NEURL1B: variants seen among roughly 807,000 people sequenced by gnomAD.
The protein encoded by NEURL1B is neuralized E3 ubiquitin protein ligase 1B.
A neutral mutation model predicts 37.4 loss-of-function variants in NEURL1B; 13 were observed. The observed-to-expected ratio is 0.35, with a 90% confidence interval of 0.23 to 0.55. The LOEUF (loss-of-function observed/expected upper bound fraction) is 0.55. NEURL1B is among the 20% of genes least tolerant of loss of function. The pLI is 0.89. For missense variants in NEURL1B, 790 were observed against 879.2 expected, an observed-to-expected ratio of 0.90 and a Z score of 1.28; for synonymous variants, 432 against 426.6, an observed-to-expected ratio of 1.01 and a Z score of -0.16.
rs946960403 is a variant in NEURL1B at position 172,663,691 on chromosome 5, G to A, written c.32-6094G>A. Among the ~76,000 whole-genome samples the A allele has an allele frequency of 2.6e-5, 4 of 151,890 alleles. No homozygotes were observed. The East Asian group carries it at 7.8e-4, about 30-fold the overall frequency. ...CTGGCCTCAATTCTTGGTCAGAAGT[G>A]GGGGGCACGGCTCACTGGCTGGGGC... On this transcript the variant is annotated intron_variant, in intron 1 of 4. Coordinates refer to ENST00000369800, the MANE Select transcript of NEURL1B (RefSeq NM_001142651.3).
At chr5:172,671,129 A>G (rs1036384418) in intron 2 of NEURL1B, among the ~76,000 whole-genome samples, 5 of 152,158 alleles carry the variant, frequency 3.3e-5, no homozygotes, top group Admixed American at 3.3e-4. Flanking sequence ...CATCACCTCT[A>G]TCCAGTTCTA....
intron 1 of NEURL1B, among the ~76,000 whole-genome samples, chr5:172,667,752 C>T (rs1464980080): frequency 1.3e-5 from 2 of 152,186 alleles, no homozygotes; most frequent in East Asian, 1.9e-4. Flanking sequence ...GTGGCCTGAG[C>T]ACTCCTACCA....
At chr5:172,650,865 A>G (rs1757650397) in intron 1 of NEURL1B, among the ~76,000 whole-genome samples, 1 of 152,184 alleles carries the variant, frequency 6.6e-6, no homozygotes, top group Non-Finnish European at 1.5e-5. Context: ...TTTAAAGAGA[A>G]TGATGGGGTG....
rs867752256 is a variant in NEURL1B at position 172,657,055 on chromosome 5, G to A, written c.32-12730G>A. Among the ~76,000 whole-genome samples, 16 of 152,296 alleles carry A rather than the reference G, an allele frequency of 1.1e-4. No homozygotes were observed. Among genetic ancestry groups the A allele is most frequent in the Middle Eastern group, 3.4e-3 (1 of 294 alleles). On this transcript the variant is annotated intron_variant, in intron 1 of 4. Coordinates refer to ENST00000369800, the MANE Select transcript of NEURL1B (RefSeq NM_001142651.3). This position sits in a 1 kb window ranked among gnomAD's most constrained non-coding sequence, Gnocchi z 4.0. ...TAGACTATTTGAGTCAGTCCCTCAC[G>A]TCCCCATGATGGATGACTGGTTGGC... is the stretch of plus-strand genomic sequence containing the variant.
chr5:172,659,398 A>G (rs537549529), intron 1 of NEURL1B, among the ~76,000 whole-genome samples: 9 of 152,106 alleles, frequency 5.9e-5, no homozygotes, highest in African/African-American at 1.9e-4. Context: ...AGAGAAGGAG[A>G]AACGGTAGGC....
At position 172,684,090 on chromosome 5, in the gene NEURL1B, G is replaced by A; in HGVS notation, c.1249G>A (p.Ala417Thr). ...CGTCGACACCACGCAGGCGCTCTGG[G>A]CCTTCTTCGCCGTGCGCGGCGGCGT... ...LCVDTTQALW[A>T]FFAVRGGVAG... Residue 417 changes from alanine to threonine, a missense_variant, in exon 3 of 5, where the codon GCC becomes ACC. This residue lies in a region of NEURL1B where 460 missense variants were observed against 407.4 expected (regional missense o/e 1.13). Transcript: ENST00000369800. The A allele has an allele frequency of 1.6e-6, 2 of 1,286,444 alleles. No homozygotes were observed. Among genetic ancestry groups the A allele is most frequent in the Non-Finnish European group, 2.0e-6 (2 of 1,016,840 alleles). 79.7% of individuals were successfully genotyped at this position (1,286,444 alleles called of 1,614,324 possible).
At position 172,641,494 on chromosome 5, in the gene NEURL1B, C is replaced by G; in HGVS notation, c.31+57C>G. ...CGCCGGGCTTCTCTCCTCCGGGGGA[C>G]CCGCTGGGTGACTCTGGAGAGCTAC... On this transcript the variant is annotated intron_variant, in intron 1 of 4. Transcript: ENST00000369800. This position sits in a 1 kb window ranked among gnomAD's most constrained non-coding sequence, Gnocchi z 6.4. The G allele has an allele frequency of 8.1e-7, 1 of 1,242,232 alleles. No individual in the cohort carries two copies. Among genetic ancestry groups the G allele is most frequent in the Non-Finnish European group, 1.0e-6 (1 of 989,434 alleles). 77.0% of individuals were successfully genotyped at this position (1,242,232 alleles called of 1,614,324 possible). A position where few individuals can be genotyped will look rare whatever the true frequency, so the allele number is the denominator to read the frequency against.
intron 1 of NEURL1B, chr5:172,656,491 C>A: frequency 6.3e-7 from 1 of 1,592,468 alleles, no homozygotes; most frequent in Non-Finnish European, 8.6e-7. Flanking sequence ...AATAAAGGGT[C>A]ACCATCTCCT....
chr5:172,676,705 T>G lies in NEURL1B; in HGVS notation c.577+6375T>G, dbSNP rs1758237752. ...CCCAGCTTGGAAGCACTGAGATCCC[T>G]TGTTAAAGATAGTTACTAGGCACTT... On this transcript the variant is annotated intron_variant, in intron 2 of 4. Transcript: ENST00000369800. This position sits in a 1 kb window ranked among gnomAD's most constrained non-coding sequence, Gnocchi z 4.5. 6.6e-6 allele frequency among the ~76,000 whole-genome samples: 1 copy of G among 152,234 alleles called. No homozygotes were observed. Among genetic ancestry groups the G allele is most frequent in the African/African-American group, 2.4e-5 (1 of 41,464 alleles).
In NEURL1B at chr5:172,670,022, G is replaced by A; in HGVS notation, c.269G>A (p.Arg90His). The A allele has an allele frequency of 6.7e-7, 1 of 1,496,344 alleles. No individual in the cohort carries two copies. Among genetic ancestry groups the A allele is most frequent in the Non-Finnish European group, 8.9e-7 (1 of 1,129,458 alleles). The allele number at this position is 1,496,344 out of a possible 1,614,324, so 92.7% of individuals were successfully genotyped here. Residue 90 changes from arginine (R) to histidine (H), a missense_variant, in exon 2 of 5, where the codon CGC becomes CAC. Arg to His is a conservative substitution (Grantham distance 29, BLOSUM62 0). This residue lies in a region of NEURL1B where 215 missense variants were observed against 309.2 expected (regional missense o/e 0.70). Transcript: ENST00000369800. ...GTGCGGCTGCGCCTGGTGGCCGTGC[G>A]CCCTGGCTGGAGCGGCGCGCTGCGC... ...EQVRLRLVAV[R>H]PGWSGALRFG...
At chr5:172,658,177 G>A (rs758104947) in intron 1 of NEURL1B, among the ~76,000 whole-genome samples, 15 of 152,146 alleles carry the variant, frequency 9.9e-5, no homozygotes, top group Non-Finnish European at 2.1e-4. Flanking sequence ...GTGGTCCCCC[G>A]GGCCCAGCTG....
rs1169130554 is a variant in NEURL1B at position 172,641,316 on chromosome 5, C to A, written c.-91C>A. The A allele has an allele frequency of 5.3e-6, 6 of 1,131,682 alleles. No individual in the cohort carries two copies. Among genetic ancestry groups the A allele is most frequent in the Non-Finnish European group, 6.7e-6 (6 of 896,524 alleles). 70.1% of individuals were successfully genotyped at this position (1,131,682 alleles called of 1,614,324 possible). On this transcript the variant is annotated 5_prime_UTR_variant, in exon 1 of 5. Transcript: ENST00000369800. This position sits in a 1 kb window ranked among gnomAD's most constrained non-coding sequence, Gnocchi z 6.4. ...CCCGTGCAGCTGCGATGCCCCGGAG[C>A]GTCGACCCCGGTCCTGGTCCCTGGC...
At position 172,641,563 on chromosome 5, in the gene NEURL1B, C is replaced by G. The variant is rs560173433; in HGVS notation, c.31+126C>G. ...CTCGGCTCGCAGCGGGCTGGAGTCT[C>G]CGGTACCTCCCGGACCTCAGCTCGG... is the stretch of plus-strand genomic sequence containing the variant. On this transcript the variant is annotated intron_variant, in intron 1 of 4. Transcript: ENST00000369800. This position sits in a 1 kb window ranked among gnomAD's most constrained non-coding sequence, Gnocchi z 6.4. 37 of 784,566 alleles carry G rather than the reference C, an allele frequency of 4.7e-5. 1 individual carries two copies. In the South Asian group the frequency reaches 2.1e-3, roughly 44 times the overall value. 48.6% of individuals were successfully genotyped at this position (784,566 alleles called of 1,614,324 possible). A position where few individuals can be genotyped will look rare whatever the true frequency, so the allele number is the denominator to read the frequency against.
At chr5:172,663,419 G>A (rs1007624562) in intron 1 of NEURL1B, among the ~76,000 whole-genome samples, 1 of 151,692 alleles carries the variant, frequency 6.6e-6, no homozygotes, top group East Asian at 1.9e-4. Context: ...TACTCAGGAG[G>A]CTGAGGCAGG....
In NEURL1B at chr5:172,676,993, C is replaced by G. The variant is rs1427613804; in HGVS notation, c.578-6426C>G. Among the ~76,000 whole-genome samples the G allele has an allele frequency of 6.6e-6, 1 of 152,000 alleles. No homozygotes were observed. Among genetic ancestry groups the G allele is most frequent in the Non-Finnish European group, 1.5e-5 (1 of 68,024 alleles). Reference sequence around the variant, plus strand: ...CCATTCCAGGCTGCAGGAGAGGAAACTGAGGCCCAGAGAAAGGCAGGGACT... The same window carrying G: ...CCATTCCAGGCTGCAGGAGAGGAAAGTGAGGCCCAGAGAAAGGCAGGGACT... On this transcript the variant is annotated intron_variant, in intron 2 of 4. Transcript: ENST00000369800. This position sits in a 1 kb window ranked among gnomAD's most constrained non-coding sequence, Gnocchi z 4.5.
Position 172,683,323 on chromosome 5 carries a change from C to A in NEURL1B, c.578-96C>A. 8.1e-7 allele frequency: 1 copy of A among 1,240,560 alleles called. No homozygotes were observed. The highest frequency in any genetic ancestry group is 1.0e-6 in the Non-Finnish European group (1 of 987,156). 76.8% of individuals were successfully genotyped at this position (1,240,560 alleles called of 1,614,324 possible). A position where few individuals can be genotyped will look rare whatever the true frequency, so the allele number is the denominator to read the frequency against. ...GGGGCTGCTCGAGGCCCGGGTCGGT[C>A]GTGGAGGCCTGCAGGAGGCAGCGGG... is the stretch of plus-strand genomic sequence containing the variant. On this transcript the variant is annotated intron_variant, in intron 2 of 4. Coordinates refer to ENST00000369800, the MANE Select transcript of NEURL1B (RefSeq NM_001142651.3). This position sits in a 1 kb window ranked among gnomAD's most constrained non-coding sequence, Gnocchi z 5.6.
chr5:172,684,666 A>G (rs1758449761), intron 3 of NEURL1B, among the ~76,000 whole-genome samples: 1 of 152,212 alleles, frequency 6.6e-6, no homozygotes, highest in Non-Finnish European at 1.5e-5. Context: ...CTATTTTGAG[A>G]TAATTTTTGC....
At chr5:172,674,581 A>G (rs2113314253) in intron 2 of NEURL1B, among the ~76,000 whole-genome samples, 1 of 152,278 alleles carries the variant, frequency 6.6e-6, no homozygotes, top group Non-Finnish European at 1.5e-5. Flanking sequence ...ACCCAGACCA[A>G]TTAAATCAGA....
rs1307429012 is a variant in NEURL1B at position 172,683,625 on chromosome 5, G to C, written c.784G>C (p.Gly262Arg). Residue 262 changes from glycine (G) to arginine (R), a missense_variant, in exon 3 of 5, where the codon GGG becomes CGG. Physicochemically the swap from Gly to Arg is moderately radical, Grantham distance 125. Coordinates refer to ENST00000369800, the MANE Select transcript of NEURL1B (RefSeq NM_001142651.3). The surrounding 1 kb of genome is among the most constrained non-coding windows in gnomAD (Gnocchi z 5.6). The stretch of plus-strand genomic sequence containing the variant: ...CGCCGCGGCCGCCGCCATTCCGTGC[G>C]GGCCCCGTGAGCGCCCGCGGCCCGC... The part of the protein sequence containing the change: ...ADAAAAAIPC[G>R]PRERPRPASS... The C allele has an allele frequency of 8.1e-7, 1 of 1,241,146 alleles. No homozygotes were observed. Among genetic ancestry groups the C allele is most frequent in the Non-Finnish European group, 1.0e-6 (1 of 988,362 alleles). The allele number at this position is 1,241,146 out of a possible 1,614,324, so 76.9% of individuals were successfully genotyped here. A position where few individuals can be genotyped will look rare whatever the true frequency, so the allele number is the denominator to read the frequency against.
Sources: gnomAD v4.1 joint callset for allele counts (sites outside exome capture counted in the v4.1 genomes callset) on GRCh38, gnomAD v4.1.1 for gene constraint, gnomAD v4.1.1 regional missense constraint, Gnocchi (gnomAD v3.1) non-coding constraint, MANE v1.5 for transcripts, NCBI Gene and HGNC (gene_info 2026-07-23, HGNC 2026-07-21) for gene names.